The following TANC1 variants were observed in gnomAD, a reference collection of about 807,000 sequenced individuals.
The protein encoded by TANC1 is tetratricopeptide repeat, ankyrin repeat and coiled-coil containing 1.
Under a neutral mutation model 149.7 loss-of-function variants are expected in TANC1, and 77 were observed. The ratio of observed to expected loss-of-function variants is 0.51; its 90% CI spans 0.43 to 0.62. TANC1 has a LOEUF of 0.62. TANC1 is among the 20% of genes least tolerant of loss of function. The pLI is 0.00. For synonymous variants in TANC1, 854 were observed against 925.0 expected, an observed-to-expected ratio of 0.92 and a Z score of 1.39; for missense variants, 1,985 against 2,321.8, an observed-to-expected ratio of 0.85 and a Z score of 2.98.
At position 159,182,032 on chromosome 2, in the gene TANC1, T is replaced by G. The variant is rs562253357; in HGVS notation, c.2510+2869T>G. Among the ~76,000 whole-genome samples the G allele has an allele frequency of 2.0e-5, 3 of 151,972 alleles. No individual in the cohort carries two copies. The South Asian group carries it at 6.2e-4, about 32-fold the overall frequency. ...CCTGGCCAACATGGTGAACCCAGTC[T>G]CTACTAAAAATACAAAAAAAAGAAA... On this transcript the variant is annotated intron_variant, in intron 14 of 26. Coordinates refer to ENST00000263635, the MANE Select transcript of TANC1 (RefSeq NM_033394.3).
At chr2:159,128,780 T>C (rs116972063) in intron 4 of TANC1, among the ~76,000 whole-genome samples, 1 of 152,230 alleles carries the variant, frequency 6.6e-6, no homozygotes, top group East Asian at 1.9e-4. Context: ...AAGCACTCTT[T>C]TGTTGGGGGG....
chr2:159,105,040 GCTGGAGTGCAGTGGTGTGATCTGGGCTCA>G (rs1440774708), intron 4 of TANC1, among the ~76,000 whole-genome samples: 468 of 107,810 alleles, frequency 4.3e-3, no homozygotes, highest in African/African-American at 0.016. Context: ...TATTGCCCAG[GCTGGAGTGCAGTGGTGTGATCTGGGCTCA>G]CTGCAAGCTC....
At chr2:159,014,293 T>C (rs1363450856) in intron 2 of TANC1, among the ~76,000 whole-genome samples, 3 of 152,086 alleles carry the variant, frequency 2.0e-5, no homozygotes, top group Non-Finnish European at 4.4e-5. Context: ...TGGCAGAGAA[T>C]GAGGAAGACA....
chr2:159,217,372 C>T, intron 19 of TANC1, 125 bp from the exon 20 acceptor site: 1 of 1,235,786 alleles, frequency 8.1e-7, no homozygotes, highest in Non-Finnish European at 1.1e-6. Flanking sequence ...AGAGCCCCCG[C>T]AGGTTCAAAG....
At position 159,149,232 on chromosome 2, in the gene TANC1, G is replaced by C. The variant is rs200122820; in HGVS notation, c.455G>C (p.Ser152Thr). The C allele has an allele frequency of 1.0e-4, 162 of 1,614,064 alleles. No individual in the cohort carries two copies. Among genetic ancestry groups the C allele is most frequent in the Middle Eastern group, 1.6e-4 (1 of 6,082 alleles). The change falls in exon 6 of 27, where the codon AGT (serine) becomes ACT (threonine). Residue 152 changes from serine (S) to threonine (T), a missense_variant. Physicochemically the swap from Ser to Thr is moderately conservative, Grantham distance 58. Around this residue, in one of 3 missense-constraint regions of TANC1, gnomAD observed 557 missense variants for 612.9 expected, o/e 0.91. Coordinates refer to ENST00000263635, the MANE Select transcript of TANC1 (RefSeq NM_033394.3). The part of the protein sequence containing the change: ...LGFLLGEGIP[S>T]ATHITIEDKN... ...TTTTTACTGGGAGAAGGGATCCCAA[G>C]TGCCACACACATAACCATTGAAGAC... is the stretch of plus-strand genomic sequence containing the variant.
intron 5 of TANC1, among the ~76,000 whole-genome samples, chr2:159,143,075 A>AACC (rs1553573304): frequency 2.0e-5 from 2 of 98,894 alleles, no homozygotes; most frequent in Non-Finnish European, 4.7e-5. Context: ...AAAAAAAAAA[A>AACC]AAACAACAAA....
intron 21 of TANC1, 77 bp downstream of exon 21, chr2:159,219,438 T>C: frequency 2.5e-6 from 4 of 1,581,996 alleles, no homozygotes; most frequent in Non-Finnish European, 3.5e-6. Context: ...CAGTGCTTTC[T>C]GATTCAAATT....
chr2:159,133,105 A>G (rs956232530), intron 4 of TANC1, among the ~76,000 whole-genome samples: 1 of 152,134 alleles, frequency 6.6e-6, no homozygotes, highest in Admixed American at 6.5e-5. Context: ...ATCTCTTTAG[A>G]TTTGCTGTTA....
intron 4 of TANC1, among the ~76,000 whole-genome samples, chr2:159,123,895 C>A (rs934061062): frequency 6.6e-6 from 1 of 152,154 alleles, no homozygotes; most frequent in South Asian, 2.1e-4. Flanking sequence ...CCCTCGTGCC[C>A]CCAGCCTCAG....
chr2:158,987,496 C>G (rs1236664280), intron 1 of TANC1, among the ~76,000 whole-genome samples: 2 of 152,190 alleles, frequency 1.3e-5, no homozygotes, highest in Non-Finnish European at 2.9e-5. Flanking sequence ...CCACTGCACT[C>G]CAGCCTGTAC....
intron 4 of TANC1, among the ~76,000 whole-genome samples, chr2:159,125,910 C>G (rs1322385696): frequency 6.6e-6 from 1 of 152,154 alleles, no homozygotes; most frequent in Admixed American, 6.6e-5. Context: ...TCTTTACTGG[C>G]TGTCAGCTGA....
intron 1 of TANC1, among the ~76,000 whole-genome samples, chr2:158,975,988 C>T (rs565024330): frequency 1.8e-4 from 28 of 151,588 alleles, no homozygotes; most frequent in African/African-American, 6.5e-4. Flanking sequence ...TGTGCACCAC[C>T]ACACCTGGCT....
chr2:158,982,016 A>G (rs1476925704), intron 1 of TANC1, among the ~76,000 whole-genome samples: 1 of 149,760 alleles, frequency 6.7e-6, no homozygotes, highest in African/African-American at 2.4e-5. Flanking sequence ...TGCTAACTTA[A>G]TTTGCTATTT....
intron 19 of TANC1, 79 bp from the exon 20 acceptor site, chr2:159,217,418 A>G: frequency 1.3e-6 from 2 of 1,574,868 alleles, no homozygotes; most frequent in Non-Finnish European, 1.7e-6. Context: ...CCACTGGGGG[A>G]GAGAACTGTT....
rs1163246201 is a variant in TANC1 at position 159,172,215 on chromosome 2, T to C, written c.1446T>C (p.Ser482=). ...GCACAGCTAAAACACCTCTTGGGTC[T>C]ATCAGTGCTGAAAACCAGAGACCAA... ...ASSTAKTPLG[S]ISAENQRPRE... is the part of the protein sequence containing the mutation. Residue 482 remains serine (S), a synonymous_variant, in exon 11 of 27, where the codon TCT becomes TCC. Coordinates refer to ENST00000263635, the MANE Select transcript of TANC1 (RefSeq NM_033394.3). 1 of 1,614,214 alleles carries C rather than the reference T, an allele frequency of 6.2e-7. No homozygotes were observed. The highest frequency in any genetic ancestry group is 1.1e-5 in the South Asian group (1 of 91,086).
chr2:159,150,632 G>C, intron 7 of TANC1, 76 bp downstream of exon 7: 1 of 1,209,030 alleles, frequency 8.3e-7, no homozygotes, highest in South Asian at 1.3e-5. Context: ...CTTCCTCAGA[G>C]GGTTTTAGCA....
chr2:159,116,701 C>T (rs946646328), intron 4 of TANC1, among the ~76,000 whole-genome samples: 5 of 152,130 alleles, frequency 3.3e-5, no homozygotes, highest in African/African-American at 1.2e-4. Context: ...CTCAGTGGTC[C>T]AATTTGGCCC....
chr2:159,075,210 G>C (rs1464260760), intron 3 of TANC1, among the ~76,000 whole-genome samples: 1 of 152,054 alleles, frequency 6.6e-6, no homozygotes, highest in Non-Finnish European at 1.5e-5. Context: ...AACTACTAGA[G>C]AAGTAAAAAT....
At chr2:159,155,006 A>T (rs760546937) in intron 7 of TANC1, among the ~76,000 whole-genome samples, 3 of 152,210 alleles carry the variant, frequency 2.0e-5, no homozygotes, top group Non-Finnish European at 4.4e-5. Flanking sequence ...TTACAAATGG[A>T]AACTGTAAGC....
Sources: gnomAD v4.1 joint callset for allele counts (sites outside exome capture counted in the v4.1 genomes callset) on GRCh38, gnomAD v4.1.1 for gene constraint, gnomAD v4.1.1 regional missense constraint, MANE v1.5 for transcripts, NCBI Gene and HGNC (gene_info 2026-07-23, HGNC 2026-07-21) for gene names.